Variants in SEM1 observed in about 807,000 individuals in gnomAD.
The protein encoded by SEM1 is SEM1 26S proteasome subunit.
A neutral mutation model predicts 12.7 loss-of-function variants in SEM1; 3 were observed. The observed-to-expected ratio is 0.24, with a 90% CI of 0.11 to 0.61. The LOEUF (loss-of-function observed/expected upper bound fraction) is 0.61. Among genes scored for constraint, SEM1 ranks in the 20% least tolerant of loss-of-function variants. The pLI, the probability that SEM1 is intolerant of heterozygous loss-of-function variation, is 0.88. For synonymous variants in SEM1, 30 were observed against 27.8 expected (o/e 1.08, Z -0.25); for missense variants, 59 against 81.3 (o/e 0.73, Z 1.06).
downstream of SEM1, among the ~76,000 whole-genome samples, chr7:96,686,195 T>G (rs1217683764): frequency 6.6e-6 from 1 of 152,140 alleles, no homozygotes; most frequent in Non-Finnish European, 1.5e-5. Context: ...ATCTACAAAT[T>G]GTAAAATTTC....
intron 2 of SEM1, among the ~76,000 whole-genome samples, chr7:96,523,051 G>A (rs930725293): frequency 5.9e-5 from 9 of 152,072 alleles, no homozygotes; most frequent in Non-Finnish European, 1.0e-4. Context: ...TCAGCTTTGT[G>A]TTATTTGCCT....
chr7:96,491,034 C>T (rs1802986644), intron 1 of SEM1, among the ~76,000 whole-genome samples: 1 of 152,144 alleles, frequency 6.6e-6, no homozygotes, highest in Non-Finnish European at 1.5e-5. Flanking sequence ...GTGGGGTATA[C>T]AAATGTAATG....
chr7:96,645,066 T>C, intron 2 of SEM1, among the ~76,000 whole-genome samples: 1 of 152,184 alleles, frequency 6.6e-6, no homozygotes, highest in East Asian at 1.9e-4. Flanking sequence ...ACATATTCTT[T>C]CTGTTTTTCT....
chr7:96,672,532 T>G (rs1344923435), downstream of SEM1: 1 of 152,164 alleles, frequency 6.6e-6, no homozygotes, highest in Admixed American at 6.5e-5. Context: ...GGGTACCTTT[T>G]GTTCTCCAAC....
chr7:96,576,815 C>T (rs1298358205), intron 2 of SEM1, among the ~76,000 whole-genome samples: 3 of 152,044 alleles, frequency 2.0e-5, no homozygotes, highest in Admixed American at 2.0e-4. Context: ...TAATATAGAA[C>T]AATTAGAAAT....
intron 1 of SEM1, among the ~76,000 whole-genome samples, chr7:96,706,595 A>T (rs1790474042): frequency 8.2e-6 from 1 of 122,010 alleles, no homozygotes; most frequent in African/African-American, 2.8e-5. Flanking sequence ...AAAAAAAAAA[A>T]GAGAGAGAGA....
intron 2 of SEM1, among the ~76,000 whole-genome samples, chr7:96,595,549 C>T (rs1806970804): frequency 6.6e-6 from 1 of 152,090 alleles, no homozygotes; most frequent in African/African-American, 2.4e-5. Context: ...TATGAAAAGG[C>T]AATCAAAGAC....
chr7:96,618,015 T>C (rs553202502), downstream of SEM1, among the ~76,000 whole-genome samples: 16 of 152,318 alleles, frequency 1.1e-4, no homozygotes, highest in Admixed American at 3.9e-4. Flanking sequence ...TGTCTGGTTT[T>C]GGTATCAGGG....
At chr7:96,545,535 GT>G (rs1280146713) in intron 2 of SEM1, among the ~76,000 whole-genome samples, 1 of 152,038 alleles carries the variant, frequency 6.6e-6, no homozygotes, top group Non-Finnish European at 1.5e-5. Flanking sequence ...CTAGCACTAA[GT>G]TTTATGTATT....
intron 2 of SEM1, among the ~76,000 whole-genome samples, chr7:96,522,456 T>C (rs1225744036): frequency 2.6e-5 from 4 of 151,960 alleles, no homozygotes; most frequent in Non-Finnish European, 5.9e-5. Context: ...GTCATTGAGA[T>C]TTACTGCTTT....
At chr7:96,618,492 C>T (rs1807788003), downstream of SEM1, among the ~76,000 whole-genome samples, 1 of 152,054 alleles carries the variant, frequency 6.6e-6, no homozygotes, top group Non-Finnish European at 1.5e-5. Context: ...ACTTTTTTAT[C>T]CCTTTTCCCC....
intron 2 of SEM1, among the ~76,000 whole-genome samples, chr7:96,652,192 ACACTTT>A (rs1809017893): frequency 1.3e-5 from 2 of 152,212 alleles, no homozygotes; most frequent in African/African-American, 2.4e-5. Flanking sequence ...AGTCAAGTGA[ACACTTT>A]ATATTGAAAT....
chr7:96,498,096 A>C (rs934505821), upstream of SEM1, among the ~76,000 whole-genome samples: 1 of 152,200 alleles, frequency 6.6e-6, no homozygotes, highest in East Asian at 1.9e-4. Flanking sequence ...TCATTTAACT[A>C]CAGCCTTTCT....
intron 2 of SEM1, among the ~76,000 whole-genome samples, chr7:96,580,475 G>A (rs1450628492): frequency 3.3e-5 from 5 of 151,262 alleles, no homozygotes; most frequent in Non-Finnish European, 7.4e-5. Context: ...AGTCCTTTGG[G>A]TCTATACCCA....
chr7:96,684,545 T>A (rs1473727996), downstream of SEM1, among the ~76,000 whole-genome samples: 1 of 152,102 alleles, frequency 6.6e-6, no homozygotes, highest in African/African-American at 2.4e-5. Context: ...AGCACTGTAC[T>A]AACTACATGA....
intron 2 of SEM1, among the ~76,000 whole-genome samples, chr7:96,583,359 T>G: frequency 7.0e-6 from 1 of 143,868 alleles, no homozygotes; most frequent in Non-Finnish European, 1.5e-5. Context: ...ATTTCTGTTC[T>G]TTTACATTTG....
chr7:96,503,105 A>G lies in SEM1; in HGVS notation c.*60+3518T>C, dbSNP rs183815188. 2.6e-5 allele frequency among the ~76,000 whole-genome samples: 4 copies of G among 152,250 alleles called. No homozygotes were observed. The East Asian group carries it at 5.8e-4, about 22-fold the overall frequency. ...AGAATACACTGGTCATTATTTCTCT[A>G]CTAGAAGCATAAGCTTATCTTTAGA... On this transcript the variant is annotated intron_variant and NMD_transcript_variant, in intron 3 of 3. Transcript: ENST00000466986.
At chr7:96,701,071 A>G (rs1749294943) in intron 1 of SEM1, among the ~76,000 whole-genome samples, 1 of 152,156 alleles carries the variant, frequency 6.6e-6, no homozygotes, top group Non-Finnish European at 1.5e-5. Context: ...AATACATGTC[A>G]GACACAGCTC....
rs577574396 is a variant in SEM1 at position 96,699,152 on chromosome 7, T to G, written c.77-4261A>C. Among the ~76,000 whole-genome samples the G allele has an allele frequency of 3.3e-5, 5 of 152,236 alleles. No homozygotes were observed. The South Asian group carries it at 1.0e-3, about 32-fold the overall frequency. ...ACCATGCATATTCTTAAGACACGCA[T>G]GGGCAAAATCACAACCCCAGATTTC... On this transcript the variant is annotated intron_variant, in intron 1 of 2. Coordinates refer to ENST00000248566, the MANE Select transcript of SEM1 (RefSeq NM_006304.2).
Sources: gnomAD v4.1 joint callset for allele counts (sites outside exome capture counted in the v4.1 genomes callset) on GRCh38, gnomAD v4.1.1 for gene constraint, MANE v1.5 for transcripts, NCBI Gene and HGNC (gene_info 2026-07-23, HGNC 2026-07-21) for gene names.